Variants in UQCC4 observed in about 807,000 individuals in gnomAD.
UQCC4 encodes the protein cattle cerebrum and skeletal muscle-specific protein 1 family member.
the UQCC4 span, chr16:1,420,318 C>A: frequency 1.9e-6 from 3 of 1,614,190 alleles, no homozygotes; most frequent in Non-Finnish European, 2.5e-6. Context: ...GCACCTCTCC[C>A]CACACCTGTC....
At chr16:1,420,249 A>G in the UQCC4 span, 1 of 1,613,442 alleles carries the variant, frequency 6.2e-7, no homozygotes, top group East Asian at 2.2e-5. Flanking sequence ...CACCCCGTCA[A>G]GTTCTCGCTC....
chr16:1,420,359 T>G, the UQCC4 span: 1 of 1,614,142 alleles, frequency 6.2e-7, no homozygotes, highest in Non-Finnish European at 8.5e-7. Context: ...CTCTCCTCCC[T>G]CAGGTAGCAC....
chr16:1,420,630 G>A, the UQCC4 span: 2 of 1,552,822 alleles, frequency 1.3e-6, no homozygotes, highest in Non-Finnish European at 1.7e-6. Context: ...AGAGAGAGCA[G>A]TAAGCGCTCC....
the UQCC4 span, chr16:1,420,167 G>A: frequency 5.0e-6 from 8 of 1,613,908 alleles, no homozygotes; most frequent in Admixed American, 1.7e-5. Context: ...GCATAGCCAG[G>A]ACAGTCACGG....
the UQCC4 span, chr16:1,420,315 T>C: frequency 6.2e-7 from 1 of 1,614,078 alleles, no homozygotes; most frequent in Non-Finnish European, 8.5e-7. Flanking sequence ...CTGGCACCTC[T>C]CCCCACACCT....
At chr16:1,420,282 C>A in the UQCC4 span, 29 of 1,614,034 alleles carry the variant, frequency 1.8e-5, no homozygotes, top group South Asian at 2.7e-4. Context: ...GAGTCTCAGG[C>A]TCCTCAGAAC....
chr16:1,420,141 A>G, the UQCC4 span: 64 of 1,613,578 alleles, frequency 4.0e-5, no homozygotes, highest in Middle Eastern at 3.3e-4. Flanking sequence ...CAAGTCCTTC[A>G]GTGCTGAGGA....
At chr16:1,420,043 A>G in the UQCC4 span, 5 of 1,611,452 alleles carry the variant, frequency 3.1e-6, no homozygotes, top group Non-Finnish European at 4.2e-6. Context: ...TTGGACATCA[A>G]GAGCCAGGCG....
chr16:1,420,712 G>A, the UQCC4 span: 1 of 1,541,826 alleles, frequency 6.5e-7, no homozygotes, highest in Non-Finnish European at 8.7e-7. Flanking sequence ...GGGCACACAA[G>A]ACACGATTCA....
the UQCC4 span, chr16:1,420,075 G>C: frequency 6.2e-7 from 1 of 1,613,092 alleles, no homozygotes; most frequent in Non-Finnish European, 8.5e-7. Context: ...CCGATCTGCT[G>C]AGATTCTGCT....
At chr16:1,420,035 G>A in the UQCC4 span, 1 of 1,610,384 alleles carries the variant, frequency 6.2e-7, no homozygotes, top group African/African-American at 1.3e-5. Context: ...TGGAATCCTT[G>A]GACATCAAGA....
At chr16:1,420,545 C>A in the UQCC4 span, 7 of 1,613,616 alleles carry the variant, frequency 4.3e-6, no homozygotes, top group Non-Finnish European at 5.9e-6. Flanking sequence ...TGGGCCCGAT[C>A]CCGGGAACCG....
chr16:1,420,710 A>T, the UQCC4 span: 1 of 1,542,010 alleles, frequency 6.5e-7, no homozygotes, highest in Non-Finnish European at 8.7e-7. Flanking sequence ...CGGGGCACAC[A>T]AGACACGATT....
chr16:1,420,059 C>A, the UQCC4 span: 1 of 1,612,514 alleles, frequency 6.2e-7, no homozygotes, highest in Non-Finnish European at 8.5e-7. Context: ...AGGCGAGGAG[C>A]AGTTTCCGAT....
At chr16:1,419,869 CTA>C in the UQCC4 span, 7 of 1,347,536 alleles carry the variant, frequency 5.2e-6, no homozygotes, top group Non-Finnish European at 6.9e-6. Context: ...GCCAGATATT[CTA>C]TCTCAGAAAG....
the UQCC4 span, chr16:1,419,890 C>T: frequency 7.2e-7 from 1 of 1,394,068 alleles, no homozygotes; most frequent in Non-Finnish European, 9.6e-7. Context: ...AGCAAATTAC[C>T]TGCAAACTAA....
the UQCC4 span, chr16:1,420,717 G>A: frequency 3.9e-6 from 6 of 1,540,654 alleles, no homozygotes; most frequent in East Asian, 1.2e-4. Context: ...CACAAGACAC[G>A]ATTCATTGCT....
the UQCC4 span, chr16:1,420,017 C>G: frequency 1.9e-6 from 3 of 1,607,320 alleles, no homozygotes; most frequent in African/African-American, 4.0e-5. Context: ...TCTGAGAAGT[C>G]TTGCCGATGG....
At chr16:1,420,332 A>G in the UQCC4 span, 1 of 1,614,124 alleles carries the variant, frequency 6.2e-7, no homozygotes, top group Non-Finnish European at 8.5e-7. Context: ...ACCTGTCTCA[A>G]CCACTGGTCC....
Sources: gnomAD v4.1 joint callset for allele counts on GRCh38, gnomAD v4.1.1 for gene constraint, MANE v1.5 for transcripts, NCBI Gene and HGNC (gene_info 2026-07-23, HGNC 2026-07-21) for gene names.